Variants in TENM4 observed in about 807,000 individuals in gnomAD.
The protein encoded by TENM4 is teneurin-4.
A neutral mutation model predicts 243.3 loss-of-function variants in TENM4; 82 were observed. That is an observed-to-expected ratio of 0.34 (90% CI 0.28 to 0.40). The LOEUF is 0.40. Among genes scored for constraint, TENM4 ranks in the 10% least tolerant of loss-of-function variants. The pLI is 1.00. For synonymous variants in TENM4, 1,412 were observed against 1,456.3 expected, an observed-to-expected ratio of 0.97 and a Z score of 0.69; for missense variants, 3,138 against 3,673.3, an observed-to-expected ratio of 0.85 and a Z score of 3.77.
intron 2 of TENM4, among the ~76,000 whole-genome samples, chr11:79,236,689 C>T (rs980103083): frequency 3.3e-5 from 5 of 152,152 alleles, no homozygotes; most frequent in African/African-American, 9.7e-5. Context: ...CCCACTTCAA[C>T]CTCCTTCCAG....
chr11:79,043,559 C>T (rs1433230904), intron 6 of TENM4, among the ~76,000 whole-genome samples: 1 of 152,180 alleles, frequency 6.6e-6, no homozygotes, highest in Non-Finnish European at 1.5e-5. Flanking sequence ...TTAAGCCACT[C>T]ATATATTAGG....
intron 9 of TENM4, among the ~76,000 whole-genome samples, chr11:78,871,059 C>T (rs1565416094): frequency 6.6e-6 from 1 of 152,178 alleles, no homozygotes; most frequent in Non-Finnish European, 1.5e-5. Context: ...CTGACCTCTC[C>T]CTGCCAGACC....
In TENM4 at chr11:79,113,417, G is replaced by GTGTGTGTGTGTGTT. The variant is rs1411158200; in HGVS notation, c.-66+35292_-66+35293insAACACACACACACA. ...GGTGTGTGTGTGTGTGTGTGTGTGTGTGTTGTGTGTGTGACAGAGAGAGAG... is the reference window on the plus strand; with the variant it reads ...GGTGTGTGTGTGTGTGTGTGTGTGTGTGTGTGTGTGTGTTTGTTGTGTGTGTGACAGAGAGAGAG... On this transcript the variant is annotated intron_variant, in intron 4 of 33. Transcript: ENST00000278550. 2.0e-5 allele frequency among the ~76,000 whole-genome samples: 3 copies of GTGTGTGTGTGTGTT among 151,676 alleles called. No individual in the cohort carries two copies. In the South Asian group the frequency reaches 6.3e-4, roughly 32 times the overall value.
intron 4 of TENM4, among the ~76,000 whole-genome samples, chr11:79,116,794 C>T (rs1436273735): frequency 6.6e-6 from 1 of 152,152 alleles, no homozygotes; most frequent in East Asian, 1.9e-4. Context: ...AGCCATGTTG[C>T]CTTGGACACA....
chr11:78,793,850 G>A (rs1857109638), intron 15 of TENM4, among the ~76,000 whole-genome samples: 1 of 152,220 alleles, frequency 6.6e-6, no homozygotes. Flanking sequence ...TTTGGCCTAT[G>A]AGTTGTGGGA....
chr11:79,015,635 A>G (rs919404640), intron 6 of TENM4, among the ~76,000 whole-genome samples: 8 of 152,186 alleles, frequency 5.3e-5, no homozygotes, highest in African/African-American at 1.7e-4. Flanking sequence ...GAAGAACCAG[A>G]GAAAGGCGAA....
intron 4 of TENM4, among the ~76,000 whole-genome samples, chr11:79,138,323 A>AT (rs1565219170): frequency 9.1e-6 from 1 of 110,262 alleles, no homozygotes; most frequent in Non-Finnish European, 1.8e-5. Context: ...ATATATATAT[A>AT]TATATATTAT....
At chr11:78,883,707 A>G (rs1445594445) in intron 9 of TENM4, among the ~76,000 whole-genome samples, 1 of 152,282 alleles carries the variant, frequency 6.6e-6, no homozygotes, top group Non-Finnish European at 1.5e-5. Context: ...ATACACATTC[A>G]GAACACAAGG....
chr11:78,781,671 C>T (rs1856839846), intron 16 of TENM4, among the ~76,000 whole-genome samples: 1 of 152,186 alleles, frequency 6.6e-6, no homozygotes, highest in Non-Finnish European at 1.5e-5. Context: ...CTCCAGGAGC[C>T]TCAGGGCAAC....
At chr11:79,060,778 C>A (rs1402413629) in intron 6 of TENM4, among the ~76,000 whole-genome samples, 1 of 152,126 alleles carries the variant, frequency 6.6e-6, no homozygotes, top group East Asian at 1.9e-4. Context: ...CACTGAGTTG[C>A]CAGGGAGATT....
At chr11:78,920,238 C>G (rs149564964) in intron 6 of TENM4, among the ~76,000 whole-genome samples, 1 of 152,168 alleles carries the variant, frequency 6.6e-6, no homozygotes, top group Non-Finnish European at 1.5e-5. Context: ...TGGAGCACCT[C>G]TCATATGCCA....
chr11:79,383,318 C>T (rs1858045189), intron 1 of TENM4, among the ~76,000 whole-genome samples: 1 of 152,232 alleles, frequency 6.6e-6, no homozygotes, highest in African/African-American at 2.4e-5. Context: ...ACTTTCTCTC[C>T]TTGCCTTGCC....
At chr11:78,906,093 C>T (rs1276076022) in intron 6 of TENM4, among the ~76,000 whole-genome samples, 3 of 152,232 alleles carry the variant, frequency 2.0e-5, no homozygotes, top group Admixed American at 6.5e-5. Flanking sequence ...CCAGTCCTTG[C>T]TCCTGCTCTG....
rs1307439630 is a variant in TENM4, at chr11:79,138,855, A to ATAAAATATG, written c.-66+9854_-66+9855insCATATTTTA. 3.3e-5 allele frequency among the ~76,000 whole-genome samples: 4 copies of ATAAAATATG among 119,906 alleles called. No individual in the cohort carries two copies. In the Admixed American group the frequency reaches 3.9e-4, roughly 12 times the overall value. The allele number at this position is 119,906 out of a possible 152,430, so 78.7% of individuals were successfully genotyped here. A position where few individuals can be genotyped will look rare whatever the true frequency, so the allele number is the denominator to read the frequency against. On this transcript the variant is annotated intron_variant, in intron 4 of 33. Coordinates refer to ENST00000278550, the MANE Select transcript of TENM4 (RefSeq NM_001098816.3). Reference sequence around the variant, plus strand: ...ACATACATTATATTTATATAAATATACAAAATATACCTTATATTTATATAA... The same window carrying ATAAAATATG: ...ACATACATTATATTTATATAAATATATAAAATATGCAAAATATACCTTATATTTATATAA...
At chr11:78,724,519 A>G (rs1421203594) in intron 23 of TENM4, among the ~76,000 whole-genome samples, 1 of 152,170 alleles carries the variant, frequency 6.6e-6, no homozygotes, top group Admixed American at 6.5e-5. Flanking sequence ...TATTGAGCCA[A>G]TTTTCCCAAT....
chr11:78,738,188 A>G (rs1040980329), intron 20 of TENM4, among the ~76,000 whole-genome samples: 4 of 152,224 alleles, frequency 2.6e-5, no homozygotes, highest in African/African-American at 4.8e-5. Context: ...ATCATAAGTC[A>G]TGGAGCAGGA....
intron 6 of TENM4, among the ~76,000 whole-genome samples, chr11:79,037,972 C>G (rs1859428965): frequency 6.6e-6 from 1 of 152,204 alleles, no homozygotes; most frequent in Admixed American, 6.5e-5. Flanking sequence ...CAGTCAGCCT[C>G]TGCTCTAAGA....
chr11:79,026,125 G>A (rs1200130218), intron 6 of TENM4, among the ~76,000 whole-genome samples: 2 of 152,214 alleles, frequency 1.3e-5, no homozygotes, highest in Non-Finnish European at 2.9e-5. Flanking sequence ...GTGAACACGA[G>A]GGCAAATGTC....
chr11:79,348,149 G>A (rs965749312), intron 1 of TENM4, among the ~76,000 whole-genome samples: 5 of 152,136 alleles, frequency 3.3e-5, no homozygotes, highest in African/African-American at 1.2e-4. Flanking sequence ...CATTTTTTGA[G>A]CCTTTTGTGC....
Sources: gnomAD v4.1 joint callset for allele counts (sites outside exome capture counted in the v4.1 genomes callset) on GRCh38, gnomAD v4.1.1 for gene constraint, MANE v1.5 for transcripts, NCBI Gene and HGNC (gene_info 2026-07-23, HGNC 2026-07-21) for gene names.